The following IQGAP1 variants were observed in gnomAD, a reference collection of about 807,000 sequenced individuals.
IQGAP1 encodes the protein IQ motif containing GTPase activating protein 1.
In IQGAP1, 66 loss-of-function variants were observed where a neutral mutation model predicts 215.6. The observed-to-expected ratio is 0.31, with a 90% CI of 0.25 to 0.38. IQGAP1 has a LOEUF of 0.38. Ranked by LOEUF, IQGAP1 falls within the 10% of genes least tolerant of loss-of-function variation. The pLI, the probability that IQGAP1 is intolerant of heterozygous loss-of-function variation, is 1.00. For missense variants in IQGAP1, 1,712 were observed against 1,997.1 expected (o/e 0.86, Z 2.72); for synonymous variants, 772 against 728.7 (o/e 1.06, Z -0.96).
chr15:90,497,347 A>G lies in IQGAP1; in HGVS notation c.4860+7A>G, dbSNP rs1385585081. The G allele has an allele frequency of 1.3e-6, 2 of 1,485,060 alleles. No homozygotes were observed. Among genetic ancestry groups the G allele is most frequent in the Non-Finnish European group, 9.4e-7 (1 of 1,065,734 alleles). 92.0% of individuals were successfully genotyped at this position (1,485,060 alleles called of 1,614,324 possible). A position where few individuals can be genotyped will look rare whatever the true frequency, so the allele number is the denominator to read the frequency against. ...TTTTATGTTACATTATCAGGTGGGT[A>G]TGCACCAGCAGGAACCAAAAACTTT... On this transcript the variant is annotated splice_region_variant and intron_variant, in intron 37 of 37. Transcript: ENST00000268182.
chr15:90,472,787 C>T (rs1965923557), intron 18 of IQGAP1, 53 bp from the exon 19 acceptor site: 2 of 1,529,972 alleles, frequency 1.3e-6, no homozygotes, highest in Admixed American at 1.8e-5. Context: ...TCGTGAAAAC[C>T]TGCATCCATT....
intron 26 of IQGAP1, 21 bp downstream of exon 26, chr15:90,477,910 C>T (rs1372380859): frequency 2.8e-6 from 4 of 1,454,174 alleles, no homozygotes; most frequent in Non-Finnish European, 2.9e-6. Flanking sequence ...CATAATGACA[C>T]TTTTCTTTCA....
intron 2 of IQGAP1, among the ~76,000 whole-genome samples, chr15:90,403,332 C>T (rs554251149): frequency 6.6e-6 from 1 of 152,192 alleles, no homozygotes; most frequent in African/African-American, 2.4e-5. Flanking sequence ...TAGTGTTTGA[C>T]AATGGCTTGA....
intron 16 of IQGAP1, 23 bp from the exon 17 acceptor site, chr15:90,466,246 G>A (rs1303685322): frequency 6.2e-7 from 1 of 1,612,420 alleles, no homozygotes; most frequent in Non-Finnish European, 8.5e-7. Context: ...AACTATTCTG[G>A]TAACAGTTCT....
chr15:90,408,519 A>G (rs1437799772), intron 2 of IQGAP1, among the ~76,000 whole-genome samples: 1 of 152,202 alleles, frequency 6.6e-6, no homozygotes, highest in Non-Finnish European at 1.5e-5. Flanking sequence ...GAAAGTTTAG[A>G]GGAAGTTTGG....
At chr15:90,448,797 G>A (rs1965560187) in intron 10 of IQGAP1, 61 bp downstream of exon 10, 1 of 1,300,168 alleles carries the variant, frequency 7.7e-7, no homozygotes, top group Admixed American at 3.8e-5. Flanking sequence ...ATCCCATGCT[G>A]TCATTTAAAG....
chr15:90,498,260 GT>G, intron 37 of IQGAP1, among the ~76,000 whole-genome samples: 1 of 151,480 alleles, frequency 6.6e-6, no homozygotes, highest in African/African-American at 2.4e-5. Context: ...AGTCATCTTC[GT>G]TTCCTTCTCA....
chr15:90,432,655 A>G (rs1411965676), intron 4 of IQGAP1, among the ~76,000 whole-genome samples: 2 of 152,072 alleles, frequency 1.3e-5, no homozygotes, highest in African/African-American at 4.8e-5. Flanking sequence ...CAAACACATC[A>G]TGATTATTTT....
intron 4 of IQGAP1, among the ~76,000 whole-genome samples, chr15:90,432,339 A>G (rs1437303416): frequency 1.3e-5 from 2 of 152,108 alleles, no homozygotes; most frequent in Admixed American, 6.6e-5. Context: ...TATTTGAAAT[A>G]TCTCTTTTAT....
chr15:90,444,201 A>C (rs891782310), intron 9 of IQGAP1, among the ~76,000 whole-genome samples: 1 of 151,334 alleles, frequency 6.6e-6, no homozygotes, highest in Non-Finnish European at 1.5e-5. Context: ...ATCATCACTT[A>C]GGAATAATCA....
At position 90,388,244 on chromosome 15, in the gene IQGAP1, C is replaced by A; in HGVS notation, c.-98C>A. Reference sequence around the variant, plus strand: ...ACGGCACGGGGCGGGGCCTCGGGGACCCCGGCAAGCCCGCGCACTTGGCAG... The same window carrying A: ...ACGGCACGGGGCGGGGCCTCGGGGAACCCGGCAAGCCCGCGCACTTGGCAG... On this transcript the variant is annotated 5_prime_UTR_variant, in exon 1 of 38. Transcript: ENST00000268182. 2.9e-6 allele frequency: 4 copies of A among 1,379,688 alleles called. No individual in the cohort carries two copies. Among genetic ancestry groups the A allele is most frequent in the Middle Eastern group, 1.9e-4 (1 of 5,172 alleles). The allele number at this position is 1,379,688 out of a possible 1,614,324, so 85.5% of individuals were successfully genotyped here.
intron 9 of IQGAP1, 54 bp downstream of exon 9, chr15:90,443,532 T>C: frequency 2.9e-6 from 3 of 1,037,120 alleles, no homozygotes; most frequent in East Asian, 2.4e-5. Context: ...ATAATGTGAA[T>C]GTTGATCTAT....
chr15:90,391,187 G>A (rs746698654), intron 2 of IQGAP1: 7 of 242,888 alleles, frequency 2.9e-5, no homozygotes, highest in African/African-American at 1.1e-4. Flanking sequence ...GCAGTGAGCC[G>A]TGCTCTCACC....
At chr15:90,435,399 C>T (rs138456704) in intron 5 of IQGAP1, among the ~76,000 whole-genome samples, 24 of 152,256 alleles carry the variant, frequency 1.6e-4, no homozygotes, top group Admixed American at 9.8e-4. Flanking sequence ...TCACTTAAGC[C>T]GAGGAGTTTG....
At chr15:90,395,080 T>A (rs1329668985) in intron 2 of IQGAP1, among the ~76,000 whole-genome samples, 1 of 152,150 alleles carries the variant, frequency 6.6e-6, no homozygotes, top group Non-Finnish European at 1.5e-5. Context: ...GGTTGAGAAA[T>A]AGAAAATGTA....
chr15:90,459,024 C>A (rs1440875410), intron 15 of IQGAP1, among the ~76,000 whole-genome samples: 2 of 152,158 alleles, frequency 1.3e-5, no homozygotes, highest in African/African-American at 4.8e-5. Context: ...TGTCAGTGTG[C>A]AAAAAGCTCC....
Position 90,441,622 on chromosome 15 carries a change from T to C in IQGAP1, c.766T>C (p.Ser256Pro), listed in dbSNP as rs12324924. 5 of 1,613,948 alleles carry C rather than the reference T, an allele frequency of 3.1e-6. No homozygotes were observed. The East Asian group carries it at 8.9e-5, about 29-fold the overall frequency. ...MLVNLEEPLA[S>P]TYQDILYQAK... ...TGTAAATCTTGAAGAGCCCTTGGCATCCACTTACCAGGATATACTTTACCA... is the reference window on the plus strand; with the variant it reads ...TGTAAATCTTGAAGAGCCCTTGGCACCCACTTACCAGGATATACTTTACCA... Residue 256 changes from serine (S) to proline (P), a missense_variant, in exon 8 of 38, where the codon TCC (serine) becomes CCC (proline). Around this residue, in one of 2 missense-constraint regions of IQGAP1, gnomAD observed 1,021 missense variants for 1,074.2 expected, o/e 0.95. Coordinates refer to ENST00000268182, the MANE Select transcript of IQGAP1 (RefSeq NM_003870.4).
intron 23 of IQGAP1, chr15:90,474,956 C>A (rs866794915): frequency 1.8e-5 from 7 of 393,468 alleles, no homozygotes; most frequent in East Asian, 4.7e-5. Flanking sequence ...ATTACAGGCA[C>A]GTGACACTAT....
chr15:90,438,864 A>T (rs1052341885), intron 5 of IQGAP1, among the ~76,000 whole-genome samples: 1 of 151,976 alleles, frequency 6.6e-6, no homozygotes, highest in Non-Finnish European at 1.5e-5. Context: ...AGCTGGGATT[A>T]CAGGCACATG....
Sources: gnomAD v4.1 joint callset for allele counts (sites outside exome capture counted in the v4.1 genomes callset) on GRCh38, gnomAD v4.1.1 for gene constraint, gnomAD v4.1.1 regional missense constraint, MANE v1.5 for transcripts, NCBI Gene and HGNC (gene_info 2026-07-23, HGNC 2026-07-21) for gene names.